NOS1AP: variants seen among roughly 807,000 people sequenced by gnomAD.
NOS1AP encodes the protein nitric oxide synthase 1 adaptor protein.
A neutral mutation model predicts 56.2 loss-of-function variants in NOS1AP; 21 were observed. That is an observed-to-expected ratio of 0.37 (90% CI 0.26 to 0.54). NOS1AP has a LOEUF of 0.54. Ranked by LOEUF, NOS1AP falls within the 20% of genes least tolerant of loss-of-function variation. The pLI is 0.84. For missense variants in NOS1AP, 522 were observed against 657.8 expected (o/e 0.79, Z 2.26); for synonymous variants, 270 against 274.6 (o/e 0.98, Z 0.17).
chr1:162,141,201 G>A (rs1033368806), intron 1 of NOS1AP, among the ~76,000 whole-genome samples: 2 of 152,270 alleles, frequency 1.3e-5, no homozygotes, highest in African/African-American at 2.4e-5. Flanking sequence ...TAATCACACT[G>A]GTAATCTTGC....
rs543927681 is a variant in NOS1AP, at chr1:162,102,695, T to C, written c.105+32413T>C. On this transcript the variant is annotated intron_variant, in intron 1 of 9. Coordinates refer to ENST00000361897, the MANE Select transcript of NOS1AP (RefSeq NM_014697.3). ...ATATGTGTCCAGGAATTTATCAATTTCCTCTAGTTTTTCTAGTTTATTTGC... is the reference window on the plus strand; with the variant it reads ...ATATGTGTCCAGGAATTTATCAATTCCCTCTAGTTTTTCTAGTTTATTTGC... Among the ~76,000 whole-genome samples the C allele has an allele frequency of 2.8e-4, 43 of 152,310 alleles. No individual in the cohort carries two copies. The South Asian group carries it at 4.8e-3, about 17-fold the overall frequency.
rs1654374783 is a variant in NOS1AP at position 162,264,996 on chromosome 1, G to T, written c.178-22348G>T. ...CGCCTGGCTACTTTTTGTATTTTTA[G>T]TAGAGACGGGGTTTCACCATATTGA... On this transcript the variant is annotated intron_variant, in intron 2 of 9. Transcript: ENST00000361897. 2.0e-5 allele frequency among the ~76,000 whole-genome samples: 3 copies of T among 151,854 alleles called. No homozygotes were observed. The South Asian group carries it at 6.2e-4, about 32-fold the overall frequency.
intron 8 of NOS1AP, chr1:162,363,848 A>T: frequency 1.0e-6 from 1 of 985,460 alleles, no homozygotes; most frequent in Non-Finnish European, 1.2e-6. Flanking sequence ...TGACCAAAAT[A>T]TCAGTTCTGT....
At position 162,370,409 on chromosome 1, in the gene NOS1AP, T is replaced by C. The variant is rs1252143078; in HGVS notation, c.*2942T>C. ...TGGGAAAAGATTCTGTTAATGTAAG[T>C]GCACTTACTCCCTGGATGTTGTCAC... On this transcript the variant is annotated 3_prime_UTR_variant, in exon 10 of 10. Transcript: ENST00000361897. 1 of 152,248 alleles carries C rather than the reference T, an allele frequency of 6.6e-6. No individual in the cohort carries two copies. Among genetic ancestry groups the C allele is most frequent in the Non-Finnish European group, 1.5e-5 (1 of 68,034 alleles). 9.4% of individuals were successfully genotyped at this position (152,248 alleles called of 1,614,324 possible). A position where few individuals can be genotyped will look rare whatever the true frequency, so the allele number is the denominator to read the frequency against.
chr1:162,113,865 G>A (rs2102043218), intron 1 of NOS1AP, among the ~76,000 whole-genome samples: 1 of 152,106 alleles, frequency 6.6e-6, no homozygotes, highest in Middle Eastern at 3.4e-3. Context: ...GGCAGCCACA[G>A]TAGAGCACTT....
intron 6 of NOS1AP, among the ~76,000 whole-genome samples, chr1:162,345,439 G>A (rs1248820990): frequency 6.6e-6 from 1 of 151,812 alleles, no homozygotes; most frequent in Non-Finnish European, 1.5e-5. Context: ...AGTTTACTGA[G>A]AATGATGATT....
At chr1:162,248,454 T>C (rs1004109878) in intron 2 of NOS1AP, among the ~76,000 whole-genome samples, 61 of 152,204 alleles carry the variant, frequency 4.0e-4, no homozygotes, top group African/African-American at 1.4e-3. Context: ...TAATCTTCTC[T>C]CATTAGATTA....
chr1:162,248,418 A>T (rs965413916), intron 2 of NOS1AP, among the ~76,000 whole-genome samples: 3 of 152,256 alleles, frequency 2.0e-5, no homozygotes, highest in Non-Finnish European at 4.4e-5. Context: ...TCTATGTGTT[A>T]TTTATGGAAC....
At chr1:162,360,599 C>T (rs1657868431) in intron 8 of NOS1AP, 1 of 350,240 alleles carries the variant, frequency 2.9e-6, no homozygotes. Context: ...TCTGTTTGTT[C>T]AGGAACAAGG....
At chr1:162,201,468 C>T (rs372340318) in intron 2 of NOS1AP, among the ~76,000 whole-genome samples, 2 of 152,296 alleles carry the variant, frequency 1.3e-5, no homozygotes, top group South Asian at 2.1e-4. Flanking sequence ...TATATATCCA[C>T]TAATGAGATT....
intron 4 of NOS1AP, among the ~76,000 whole-genome samples, chr1:162,303,435 A>G (rs1655723515): frequency 6.6e-6 from 1 of 152,092 alleles, no homozygotes; most frequent in Non-Finnish European, 1.5e-5. Flanking sequence ...GACTAATATT[A>G]AATATCATCT....
chr1:162,368,096 AC>A lies in NOS1AP; in HGVS notation c.*630del, dbSNP rs1442055316. The A allele has an allele frequency of 1.3e-5, 2 of 152,722 alleles. No homozygotes were observed. The highest frequency in any genetic ancestry group is 4.8e-5 in the African/African-American group (2 of 41,438). 9.5% of individuals were successfully genotyped at this position (152,722 alleles called of 1,614,324 possible). ...AAGCTTTTAGAGGAACTGAATCCAA[AC>A]ATTTTCTCCAGCCGGACATTGAATG... On this transcript the variant is annotated 3_prime_UTR_variant, in exon 10 of 10. Coordinates refer to ENST00000361897, the MANE Select transcript of NOS1AP (RefSeq NM_014697.3).
intron 3 of NOS1AP, among the ~76,000 whole-genome samples, chr1:162,298,628 A>G (rs1453814041): frequency 6.6e-6 from 1 of 152,266 alleles, no homozygotes; most frequent in Non-Finnish European, 1.5e-5. Context: ...TACAATACTC[A>G]AAATGTCTAG....
At chr1:162,355,823 C>T (rs446569) in intron 7 of NOS1AP, among the ~76,000 whole-genome samples, 144,649 of 152,206 alleles carry the variant, frequency 0.95, 69,132 homozygotes, top group Non-Finnish European at 1. Flanking sequence ...CACTGGATGT[C>T]AGAAACTGAG....
intron 1 of NOS1AP, among the ~76,000 whole-genome samples, chr1:162,079,622 G>T (rs74980184): frequency 7.2e-5 from 11 of 152,134 alleles, no homozygotes; most frequent in African/African-American, 2.7e-4. Context: ...CTCATACTTC[G>T]TAGGGTTAAT....
chr1:162,146,902 G>A (rs995741510), intron 1 of NOS1AP, among the ~76,000 whole-genome samples: 10 of 152,084 alleles, frequency 6.6e-5, no homozygotes, highest in African/African-American at 2.4e-4. Context: ...CACTTTTTGT[G>A]TCCTGCGTTC....
chr1:162,291,599 G>T (rs1655284394), intron 3 of NOS1AP, among the ~76,000 whole-genome samples: 1 of 152,112 alleles, frequency 6.6e-6, no homozygotes. Flanking sequence ...GTAATCTTCA[G>T]GTGCATTATA....
At chr1:162,265,733 G>C (rs1485019678) in intron 2 of NOS1AP, among the ~76,000 whole-genome samples, 2 of 152,180 alleles carry the variant, frequency 1.3e-5, no homozygotes, top group Non-Finnish European at 2.9e-5. Flanking sequence ...TATTTAGCCA[G>C]AAAGTGACTG....
intron 4 of NOS1AP, among the ~76,000 whole-genome samples, chr1:162,331,275 G>A (rs1466745162): frequency 2.0e-5 from 3 of 152,120 alleles, no homozygotes; most frequent in African/African-American, 4.8e-5. Context: ...GCTGAGTGTA[G>A]CAGAGAAACT....
Sources: allele counts gnomAD v4.1 joint callset (sites outside exome capture counted in the v4.1 genomes callset), GRCh38; gene constraint gnomAD v4.1.1; transcripts MANE v1.5; gene names NCBI Gene and HGNC (gene_info 2026-07-23, HGNC 2026-07-21).